The following TNR variants were observed in gnomAD, a reference collection of about 807,000 sequenced individuals.
TNR encodes the protein tenascin R.
Under a neutral mutation model 150.4 loss-of-function variants are expected in TNR, and 45 were observed. The ratio of observed to expected loss-of-function variants is 0.30; its 90% confidence interval spans 0.24 to 0.38. TNR has a LOEUF of 0.38. TNR is among the 10% of genes least tolerant of loss of function. TNR has a pLI of 1.00. For missense variants in TNR, 1,544 were observed against 1,759.1 expected (o/e 0.88, Z 2.19); for synonymous variants, 687 against 678.4 (o/e 1.01, Z -0.20).
At chr1:175,570,771 A>G (rs1009144090) in intron 1 of TNR, among the ~76,000 whole-genome samples, 62 of 152,176 alleles carry the variant, frequency 4.1e-4, no homozygotes, top group African/African-American at 1.5e-3. Flanking sequence ...TCAAAATTAA[A>G]TTGCATTCCA....
At chr1:175,398,882 T>A (rs1418025247) in intron 4 of TNR, among the ~76,000 whole-genome samples, 4 of 152,186 alleles carry the variant, frequency 2.6e-5, no homozygotes, top group African/African-American at 9.7e-5. Flanking sequence ...TATGAGGTAG[T>A]TCATGTAGAG....
chr1:175,342,572 A>G (rs1650575601), intron 18 of TNR, among the ~76,000 whole-genome samples: 1 of 152,216 alleles, frequency 6.6e-6, no homozygotes, highest in Non-Finnish European at 1.5e-5. Context: ...TTCTCAGTGC[A>G]ATGTGGAGAA....
At chr1:175,697,358 TTC>T (rs1666561740) in intron 1 of TNR, among the ~76,000 whole-genome samples, 1 of 151,380 alleles carries the variant, frequency 6.6e-6, no homozygotes. Context: ...TTTTTTTTTT[TTC>T]TTTCTTTCTT....
intron 4 of TNR, among the ~76,000 whole-genome samples, chr1:175,400,568 G>A (rs889320070): frequency 3.3e-5 from 5 of 152,180 alleles, no homozygotes; most frequent in South Asian, 2.1e-4. Flanking sequence ...AGTGACCTTG[G>A]CAACACTATT....
chr1:175,670,783 A>T (rs1440843344), intron 1 of TNR, among the ~76,000 whole-genome samples: 1 of 152,142 alleles, frequency 6.6e-6, no homozygotes, highest in Non-Finnish European at 1.5e-5. Flanking sequence ...GGAGGGTCGG[A>T]TGGACCTAAA....
At chr1:175,487,080 T>A (rs771185107) in intron 2 of TNR, among the ~76,000 whole-genome samples, 24 of 152,270 alleles carry the variant, frequency 1.6e-4, no homozygotes, top group Non-Finnish European at 4.4e-5. Context: ...GGTTGCCTGT[T>A]TACTCTGATG....
intron 1 of TNR, among the ~76,000 whole-genome samples, chr1:175,637,322 T>A (rs766780464): frequency 3.3e-5 from 5 of 152,198 alleles, no homozygotes; most frequent in Admixed American, 6.5e-5. Flanking sequence ...TGTTCAGGGA[T>A]CCATAATAAT....
chr1:175,726,051 G>A (rs549371880), intron 1 of TNR, among the ~76,000 whole-genome samples: 24 of 152,310 alleles, frequency 1.6e-4, no homozygotes, highest in South Asian at 4.1e-4. Context: ...TTTCCAGCAC[G>A]TCTTTCATAG....
chr1:175,367,393 A>G lies in TNR; in HGVS notation c.1964-96T>C, dbSNP rs528001552. The G allele has an allele frequency of 3.2e-4, 327 of 1,008,240 alleles. 2 individuals are homozygous for G. The South Asian group carries it at 3.3e-3, about 10-fold the overall frequency. The allele number at this position is 1,008,240 out of a possible 1,614,324, so 62.5% of individuals were successfully genotyped here. A position where few individuals can be genotyped will look rare whatever the true frequency, so the allele number is the denominator to read the frequency against. On this transcript the variant is annotated intron_variant, in intron 9 of 22. Coordinates refer to ENST00000367674, the MANE Select transcript of TNR (RefSeq NM_003285.3). Reference sequence around the variant, plus strand: ...AAAATGATCTTAGACTCCTATTCATATCTTGTGTTTAGTCCTCCTTGAATC... The same window carrying G: ...AAAATGATCTTAGACTCCTATTCATGTCTTGTGTTTAGTCCTCCTTGAATC...
chr1:175,555,009 C>T (rs1412835828), intron 1 of TNR, among the ~76,000 whole-genome samples: 1 of 152,146 alleles, frequency 6.6e-6, no homozygotes, highest in African/African-American at 2.4e-5. Flanking sequence ...CTTTATCCTC[C>T]ATGTGATGAT....
chr1:175,331,061 CTTTCT>C lies in TNR; in HGVS notation c.3632-831_3632-827del, dbSNP rs1557867828. On this transcript the variant is annotated intron_variant, in intron 20 of 22. Transcript: ENST00000367674. ...TCTTTCTTTCTTTCTTTCTTTCTTT[CTTTCT>C]TTCTTTCTTTCCTTCTTTCTTTCTT... is the stretch of plus-strand genomic sequence containing the variant. Among the ~76,000 whole-genome samples, 29 of 126,806 alleles carry C rather than the reference CTTTCT, an allele frequency of 2.3e-4. 1 individual carries two copies. The highest frequency in any genetic ancestry group is 7.2e-4 in the Admixed American group (9 of 12,480). The allele number at this position is 126,806 out of a possible 152,430, so 83.2% of individuals were successfully genotyped here.
intron 1 of TNR, among the ~76,000 whole-genome samples, chr1:175,669,622 A>G (rs1013597131): frequency 6.6e-6 from 1 of 152,242 alleles, no homozygotes; most frequent in Non-Finnish European, 1.5e-5. Flanking sequence ...AGGCCCTACA[A>G]GAGTGTTAAT....
At chr1:175,369,387 C>T (rs566201153) in intron 9 of TNR, among the ~76,000 whole-genome samples, 1 of 152,300 alleles carries the variant, frequency 6.6e-6, no homozygotes, top group South Asian at 2.1e-4. Flanking sequence ...CCCTGGCATT[C>T]CTTGGCTTGT....
chr1:175,453,317 G>T lies in TNR; in HGVS notation c.-63-46540C>A, dbSNP rs572260086. 1.3e-4 allele frequency among the ~76,000 whole-genome samples: 20 copies of T among 152,198 alleles called. No homozygotes were observed. In the South Asian group the frequency reaches 3.9e-3, roughly 30 times the overall value. On this transcript the variant is annotated intron_variant, in intron 2 of 22. Transcript: ENST00000367674. Reference sequence around the variant, plus strand: ...AAAGCTGAGCCAGACTTGATGCTGAGCCAGGTGTGAGGGCTGAGGGAAAGA... The same window carrying T: ...AAAGCTGAGCCAGACTTGATGCTGATCCAGGTGTGAGGGCTGAGGGAAAGA...
chr1:175,731,829 C>A (rs192455006), intron 1 of TNR, among the ~76,000 whole-genome samples: 5 of 152,334 alleles, frequency 3.3e-5, no homozygotes, highest in Admixed American at 1.3e-4. Flanking sequence ...AAAAGCTAAA[C>A]CCTAGCTTCT....
chr1:175,741,467 G>GA (rs1327058608), intron 1 of TNR, among the ~76,000 whole-genome samples: 1 of 152,210 alleles, frequency 6.6e-6, no homozygotes, highest in Non-Finnish European at 1.5e-5. Context: ...GTGTCATGCA[G>GA]AAATCTATCC....
chr1:175,405,605 ATG>A (rs912347718), intron 3 of TNR, among the ~76,000 whole-genome samples: 8 of 124,614 alleles, frequency 6.4e-5, no homozygotes, highest in African/African-American at 2.5e-4. Context: ...GAGAGAGAGT[ATG>A]TGTGTGTGAG....
chr1:175,691,827 T>G (rs1395215407), intron 1 of TNR, among the ~76,000 whole-genome samples: 2 of 152,132 alleles, frequency 1.3e-5, no homozygotes, highest in African/African-American at 4.8e-5. Flanking sequence ...AACCATCGTG[T>G]GATATTCCCA....
chr1:175,430,408 G>A (rs934176512), intron 2 of TNR, among the ~76,000 whole-genome samples: 69 of 152,136 alleles, frequency 4.5e-4, no homozygotes, highest in African/African-American at 1.6e-3. Flanking sequence ...ATCTAAATGA[G>A]AACATTTGTT....
Sources: allele counts gnomAD v4.1 joint callset (sites outside exome capture counted in the v4.1 genomes callset), GRCh38; gene constraint gnomAD v4.1.1; transcripts MANE v1.5; gene names NCBI Gene and HGNC (gene_info 2026-07-23, HGNC 2026-07-21).